The following CDH18 variants were observed in gnomAD, a reference collection of about 807,000 sequenced individuals.
CDH18 encodes cadherin 18.
Under a neutral mutation model 67.9 loss-of-function variants are expected in CDH18, and 31 were observed. The ratio of observed to expected loss-of-function variants is 0.46; its 90% CI spans 0.34 to 0.62. The LOEUF (loss-of-function observed/expected upper bound fraction) is 0.62. Among genes scored for constraint, CDH18 ranks in the 20% least tolerant of loss-of-function variants. The pLI, the probability that CDH18 is intolerant of heterozygous loss-of-function variation, is 0.01. For synonymous variants in CDH18, 362 were observed against 347.2 expected (o/e 1.04, Z -0.48); for missense variants, 890 against 975.5 (o/e 0.91, Z 1.17).
At chr5:20,470,275 T>G (rs917645383) in intron 1 of CDH18, among the ~76,000 whole-genome samples, 1 of 152,200 alleles carries the variant, frequency 6.6e-6, no homozygotes, top group African/African-American at 2.4e-5. Flanking sequence ...CCACTCTTCT[T>G]TAATTTTCTC....
At chr5:19,947,585 CAA>C (rs35601486) in intron 2 of CDH18, among the ~76,000 whole-genome samples, 1,659 of 53,096 alleles carry the variant, frequency 0.031, 5 homozygotes, top group African/African-American at 0.042. Flanking sequence ...TACTAAAATA[CAA>C]AAAAAAAAAA....
intron 1 of CDH18, among the ~76,000 whole-genome samples, chr5:20,453,549 ATGTATGTGTGTGTGTATATATATATGTG>A (rs1163071986): frequency 2.1e-5 from 3 of 141,148 alleles, no homozygotes; most frequent in Non-Finnish European, 3.1e-5. Flanking sequence ...ATGTGTGTAT[ATGTATGTGTGTGTGTATATATATATGTG>A]TGTGTGTGTG....
At chr5:20,550,538 T>C (rs1340123370) in intron 1 of CDH18, among the ~76,000 whole-genome samples, 1 of 152,208 alleles carries the variant, frequency 6.6e-6, no homozygotes. Flanking sequence ...ATTAATGTTG[T>C]CCATCAAAGA....
chr5:19,632,662 C>T lies in CDH18; in HGVS notation c.644-20061G>A, dbSNP rs115963964. ...TATGCGCATAATTATGAATACCTTC[C>T]ATGTACCAGGTAATATGTTAAAGTG... On this transcript the variant is annotated intron_variant, in intron 5 of 12. Transcript: ENST00000382275. 6.8e-3 allele frequency among the ~76,000 whole-genome samples: 1,041 copies of T among 152,248 alleles called. 10 individuals carry two copies. The highest frequency in any genetic ancestry group is 0.024 in the African/African-American group (978 of 41,536).
intron 2 of CDH18, among the ~76,000 whole-genome samples, chr5:19,847,757 C>T (rs549939611): frequency 1.2e-4 from 18 of 148,772 alleles, no homozygotes; most frequent in Middle Eastern, 3.2e-3. Flanking sequence ...ACTAAGATTC[C>T]GCAGATCACT....
intron 5 of CDH18, among the ~76,000 whole-genome samples, chr5:19,713,088 A>G (rs1056463865): frequency 2.1e-4 from 19 of 90,928 alleles, no homozygotes; most frequent in Non-Finnish European, 3.1e-4. Context: ...GCTATTGGCT[A>G]AACAATAATT....
In CDH18 at chr5:19,919,818, G is replaced by A. The variant is rs1437461253; in HGVS notation, c.-257+61242C>T. Among the ~76,000 whole-genome samples the A allele has an allele frequency of 3.3e-5, 5 of 152,290 alleles. No homozygotes were observed. The East Asian group carries it at 9.6e-4, about 29-fold the overall frequency. On this transcript the variant is annotated intron_variant, in intron 2 of 12. Coordinates refer to ENST00000382275, the MANE Select transcript of CDH18 (RefSeq NM_004934.5). ...AAAGAGAAAGGGATTATTATATAGT[G>A]TGGACATACAGTTGGCTTTCTGCTT...
intron 1 of CDH18, among the ~76,000 whole-genome samples, chr5:20,294,065 T>C (rs1302822342): frequency 6.6e-6 from 1 of 152,192 alleles, no homozygotes; most frequent in Non-Finnish European, 1.5e-5. Flanking sequence ...GGATGATTTA[T>C]ATACACTGTT....
At chr5:19,743,327 T>C (rs1375165831) in intron 4 of CDH18, among the ~76,000 whole-genome samples, 1 of 152,182 alleles carries the variant, frequency 6.6e-6, no homozygotes, top group African/African-American at 2.4e-5. Flanking sequence ...TATGACACCA[T>C]CCTCTAATTG....
intron 2 of CDH18, among the ~76,000 whole-genome samples, chr5:20,005,570 A>T (rs1159154690): frequency 1.3e-5 from 2 of 151,920 alleles, no homozygotes; most frequent in African/African-American, 4.8e-5. Flanking sequence ...ACATATCTAC[A>T]CACATGCATA....
At chr5:19,487,746 T>G (rs1468840946) in intron 11 of CDH18, among the ~76,000 whole-genome samples, 1 of 152,120 alleles carries the variant, frequency 6.6e-6, no homozygotes, top group Non-Finnish European at 1.5e-5. Flanking sequence ...ACAAATAGGA[T>G]GAAGCAGGGA....
intron 5 of CDH18, among the ~76,000 whole-genome samples, chr5:19,638,933 T>TTTCATCCC (rs1207397514): frequency 7.0e-6 from 1 of 143,760 alleles, no homozygotes; most frequent in African/African-American, 2.6e-5. Context: ...AAGGACCTGC[T>TTTCATCCC]TTCATCCCAC....
intron 2 of CDH18, among the ~76,000 whole-genome samples, chr5:19,910,465 T>C (rs1011129462): frequency 2.0e-5 from 3 of 152,202 alleles, no homozygotes; most frequent in Admixed American, 6.5e-5. Context: ...AATTTAGCTC[T>C]ATTCAGTTGT....
At chr5:20,240,901 T>C (rs543850589) in intron 2 of CDH18, among the ~76,000 whole-genome samples, 1 of 152,248 alleles carries the variant, frequency 6.6e-6, no homozygotes, top group South Asian at 2.1e-4. Context: ...TCTGAAAAAG[T>C]TTGATGATAT....
At chr5:19,491,244 C>A (rs1741422501) in intron 11 of CDH18, among the ~76,000 whole-genome samples, 1 of 152,176 alleles carries the variant, frequency 6.6e-6, no homozygotes. Flanking sequence ...GTTACAGCCA[C>A]ATCCATTAGA....
chr5:19,905,544 C>T (rs538497317), intron 2 of CDH18, among the ~76,000 whole-genome samples: 1 of 151,900 alleles, frequency 6.6e-6, no homozygotes, highest in Non-Finnish European at 1.5e-5. Flanking sequence ...TTAATAGCCA[C>T]TTTTTAAAAA....
chr5:19,602,191 T>C (rs1388022897), intron 6 of CDH18, among the ~76,000 whole-genome samples: 1 of 151,984 alleles, frequency 6.6e-6, no homozygotes, highest in Non-Finnish European at 1.5e-5. Context: ...ATCTTATACA[T>C]AGAAAGCCAT....
chr5:20,463,707 G>A (rs1751433088), intron 1 of CDH18, among the ~76,000 whole-genome samples: 1 of 152,152 alleles, frequency 6.6e-6, no homozygotes, highest in Admixed American at 6.5e-5. Context: ...TTTAGGTGGG[G>A]ACACAGCCAA....
In CDH18 at chr5:20,406,050, AAACATC is replaced by A. The variant is rs572506832; in HGVS notation, c.-579-150551_-579-150546del. ...CGATTCCTCAGGGATCTAGAACTAG[AAACATC>A]ATTTGACCCAGCCATCCCATTACTG... is the stretch of plus-strand genomic sequence containing the variant. On this transcript the variant is annotated intron_variant, in intron 1 of 14. Transcript: ENST00000507958. Among the ~76,000 whole-genome samples the A allele has an allele frequency of 2.2e-3, 329 of 152,292 alleles. 2 individuals carry two copies. The highest frequency in any genetic ancestry group is 7.3e-3 in the African/African-American group (302 of 41,538).
Sources: gnomAD v4.1 joint callset for allele counts (sites outside exome capture counted in the v4.1 genomes callset) on GRCh38, gnomAD v4.1.1 for gene constraint, MANE v1.5 for transcripts, NCBI Gene and HGNC (gene_info 2026-07-23, HGNC 2026-07-21) for gene names.